MYRIP: variants seen among roughly 807,000 people sequenced by gnomAD.
MYRIP encodes the protein rab effector MyRIP.
MYRIP carries 49 observed loss-of-function variants against 98.0 expected under a neutral mutation model. The observed-to-expected ratio is 0.50, with a 90% CI of 0.40 to 0.63. The LOEUF (loss-of-function observed/expected upper bound fraction) is 0.63. Ranked by LOEUF, MYRIP falls within the 30% of genes least tolerant of loss-of-function variation. The pLI, the probability that MYRIP is intolerant of heterozygous loss-of-function variation, is 0.00. For synonymous variants in MYRIP, 404 were observed against 409.5 expected (o/e 0.99, Z 0.16); for missense variants, 1,004 against 1,058.2 (o/e 0.95, Z 0.71).
At chr3:39,828,753 T>A (rs891611712) in intron 1 of MYRIP, among the ~76,000 whole-genome samples, 1 of 152,202 alleles carries the variant, frequency 6.6e-6, no homozygotes, top group African/African-American at 2.4e-5. Context: ...TCCTGAGTTA[T>A]TTCACTTAGA....
At chr3:40,024,593 C>T (rs1229816760) in intron 2 of MYRIP, among the ~76,000 whole-genome samples, 1 of 151,490 alleles carries the variant, frequency 6.6e-6, no homozygotes, top group African/African-American at 2.4e-5. Flanking sequence ...TTACATGTCC[C>T]TGGCCAAAGT....
intron 10 of MYRIP, among the ~76,000 whole-genome samples, chr3:40,193,319 G>A (rs1286234187): frequency 1.3e-5 from 2 of 152,120 alleles, no homozygotes; most frequent in Non-Finnish European, 2.9e-5. Context: ...TTTTCACCTT[G>A]CACCATGTCC....
chr3:40,158,234 TG>T (rs1950290557), intron 4 of MYRIP, among the ~76,000 whole-genome samples: 1 of 152,256 alleles, frequency 6.6e-6, no homozygotes, highest in Non-Finnish European at 1.5e-5. Context: ...TATTTATTTC[TG>T]CCTTTATTTC....
intron 3 of MYRIP, among the ~76,000 whole-genome samples, chr3:40,068,743 TC>T (rs1411622889): frequency 6.6e-6 from 1 of 152,306 alleles, no homozygotes; most frequent in Non-Finnish European, 1.5e-5. Context: ...AGGTACATCA[TC>T]CCTGGCTTCA....
At chr3:40,154,126 G>A (rs1207494044) in intron 4 of MYRIP, among the ~76,000 whole-genome samples, 1 of 144,732 alleles carries the variant, frequency 6.9e-6, no homozygotes, top group Non-Finnish European at 1.5e-5. Flanking sequence ...GCAATAGAGT[G>A]AGATTCCGTC....
intron 3 of MYRIP, among the ~76,000 whole-genome samples, chr3:40,136,912 A>C (rs1949789302): frequency 6.6e-6 from 1 of 152,254 alleles, no homozygotes; most frequent in Non-Finnish European, 1.5e-5. Context: ...ATAGCACTAA[A>C]TGCCCACAAG....
At chr3:39,989,578 A>G (rs1168254713) in intron 2 of MYRIP, among the ~76,000 whole-genome samples, 1 of 152,234 alleles carries the variant, frequency 6.6e-6, no homozygotes, top group East Asian at 1.9e-4. Context: ...GGGGAAACCC[A>G]CACATCTGGG....
At chr3:40,180,861 C>T (rs1010280369) in intron 8 of MYRIP, among the ~76,000 whole-genome samples, 3 of 152,204 alleles carry the variant, frequency 2.0e-5, no homozygotes, top group African/African-American at 7.2e-5. Flanking sequence ...CACTCTCCAA[C>T]AGAGTGAACC....
At chr3:40,099,463 T>A (rs1948898838) in intron 3 of MYRIP, among the ~76,000 whole-genome samples, 1 of 152,026 alleles carries the variant, frequency 6.6e-6, no homozygotes, top group Non-Finnish European at 1.5e-5. Flanking sequence ...GATACTGAGG[T>A]TCATAGAAGC....
chr3:39,929,544 A>G (rs1022628099), intron 2 of MYRIP, among the ~76,000 whole-genome samples: 5 of 152,114 alleles, frequency 3.3e-5, no homozygotes, highest in African/African-American at 1.2e-4. Flanking sequence ...AATCAATGGA[A>G]CATAATAGAA....
chr3:39,849,281 A>T (rs559115802), intron 1 of MYRIP, among the ~76,000 whole-genome samples: 29 of 152,322 alleles, frequency 1.9e-4, no homozygotes, highest in Admixed American at 4.6e-4. Flanking sequence ...AAAGAAAAAA[A>T]ATTTCCCAGG....
rs78274701 is a variant in MYRIP, at chr3:40,048,880, G to A, written c.332+4609G>A. 2.8e-3 allele frequency among the ~76,000 whole-genome samples: 424 copies of A among 152,152 alleles called. 1 individual carries two copies. Among genetic ancestry groups the A allele is most frequent in the African/African-American group, 9.7e-3 (403 of 41,518 alleles). The stretch of plus-strand genomic sequence containing the variant: ...ATTTTGGAAGTTCTATAGAAAATGG[G>A]ATACTACTGAATCATCCCTTTGTCA... On this transcript the variant is annotated intron_variant, in intron 3 of 16. Coordinates refer to ENST00000302541, the MANE Select transcript of MYRIP (RefSeq NM_015460.4).
At chr3:40,191,868 G>T (rs950066464) in intron 10 of MYRIP, among the ~76,000 whole-genome samples, 6 of 152,108 alleles carry the variant, frequency 3.9e-5, no homozygotes, top group African/African-American at 1.4e-4. Flanking sequence ...ACTCTTGAGG[G>T]TTTGTCTGCA....
intron 2 of MYRIP, among the ~76,000 whole-genome samples, chr3:40,017,327 A>G (rs955223101): frequency 6.6e-6 from 1 of 152,178 alleles, no homozygotes; most frequent in Non-Finnish European, 1.5e-5. Flanking sequence ...GTATGTTTAG[A>G]TACAATGCTG....
At chr3:39,997,380 C>T (rs1392093945) in intron 2 of MYRIP, among the ~76,000 whole-genome samples, 1 of 151,998 alleles carries the variant, frequency 6.6e-6, no homozygotes, top group Non-Finnish European at 1.5e-5. Flanking sequence ...GAAATACAAA[C>T]TACCATCAGA....
intron 1 of MYRIP, among the ~76,000 whole-genome samples, chr3:39,832,827 T>G (rs1225254279): frequency 2.0e-5 from 3 of 152,202 alleles, no homozygotes; most frequent in African/African-American, 7.2e-5. Flanking sequence ...AATATATATC[T>G]TTAGGAATAT....
In MYRIP at chr3:40,212,207, T is replaced by A; in HGVS notation, c.1905+2114T>A. ...GTATGTGTATATACATATATATACG[T>A]GTGTGTATATATATATATACACACA... is the stretch of plus-strand genomic sequence containing the variant. On this transcript the variant is annotated intron_variant, in intron 11 of 16. Coordinates refer to ENST00000302541, the MANE Select transcript of MYRIP (RefSeq NM_015460.4). Among the ~76,000 whole-genome samples the A allele has an allele frequency of 3.8e-5, 2 of 52,422 alleles. 1 individual carries two copies. The highest frequency in any genetic ancestry group is 1.0e-4 in the Non-Finnish European group (2 of 20,006). The allele number at this position is 52,422 out of a possible 152,430, so 34.4% of individuals were successfully genotyped here. A position where few individuals can be genotyped will look rare whatever the true frequency, so the allele number is the denominator to read the frequency against.
intron 11 of MYRIP, among the ~76,000 whole-genome samples, chr3:40,229,214 A>G (rs6768940): frequency 0.053 from 8,062 of 152,286 alleles, 670 homozygotes; most frequent in African/African-American, 0.18. Context: ...TTGATAGGGA[A>G]GAGTACATAG....
chr3:40,240,607 G>T (rs1232825499), intron 12 of MYRIP, among the ~76,000 whole-genome samples: 1 of 152,154 alleles, frequency 6.6e-6, no homozygotes, highest in African/African-American at 2.4e-5. Flanking sequence ...GAGGGCATGG[G>T]TATTTGAGAA....
Sources: allele counts gnomAD v4.1 joint callset (sites outside exome capture counted in the v4.1 genomes callset), GRCh38; gene constraint gnomAD v4.1.1; transcripts MANE v1.5; gene names NCBI Gene and HGNC (gene_info 2026-07-23, HGNC 2026-07-21).